Variants in SLC25A13 observed in about 807,000 individuals in gnomAD.
The protein encoded by SLC25A13 is electrogenic aspartate/glutamate antiporter SLC25A13, mitochondrial.
Under a neutral mutation model 85.5 loss-of-function variants are expected in SLC25A13, and 70 were observed. The observed-to-expected ratio is 0.82, with a 90% CI of 0.68 to 1.00. The LOEUF (loss-of-function observed/expected upper bound fraction) is 1.00, where lower values mean the gene tolerates loss of function less well. Among genes scored for constraint, SLC25A13 ranks in the 50% least tolerant of loss-of-function variants. SLC25A13 has a pLI of 0.00. For synonymous variants in SLC25A13, 259 were observed against 288.7 expected (o/e 0.90, Z 1.04); for missense variants, 765 against 819.8 (o/e 0.93, Z 0.82).
rs80338719 is a variant in SLC25A13, at chr7:96,191,189, G to T, written c.674C>A (p.Ser225Ter). The part of the protein sequence containing the change: ...VSFSYFNGFN[S>*]LLNNMELIRK... ...AATGAGTTCCATGTTGTTAAGGAGCGAATTAAATCCATTAAAATAGGAGAA... is the reference window on the plus strand; with the variant it reads ...AATGAGTTCCATGTTGTTAAGGAGCTAATTAAATCCATTAAAATAGGAGAA... Residue 225 changes from serine to a stop codon, truncating the protein, a stop_gained, in exon 7 of 18, where the codon TCG becomes TAG. Coordinates refer to ENST00000265631, the MANE Select transcript of SLC25A13 (RefSeq NM_014251.3). LOFTEE classifies it high-confidence loss of function. 9.3e-6 allele frequency: 15 copies of T among 1,613,976 alleles called. No individual in the cohort carries two copies. The East Asian group carries it at 3.1e-4, about 34-fold the overall frequency.
At chr7:96,215,638 T>C (rs1463446027) in intron 4 of SLC25A13, among the ~76,000 whole-genome samples, 2 of 152,044 alleles carry the variant, frequency 1.3e-5, no homozygotes. Context: ...AATTAACTCA[T>C]AATGGATCAA....
At chr7:96,263,490 G>C (rs1281937989) in intron 3 of SLC25A13, among the ~76,000 whole-genome samples, 1 of 151,844 alleles carries the variant, frequency 6.6e-6, no homozygotes, top group Non-Finnish European at 1.5e-5. Context: ...TCCTCTTGCA[G>C]TCCTAGGTTG....
chr7:96,243,528 G>A (rs1797070841), intron 3 of SLC25A13, among the ~76,000 whole-genome samples: 1 of 152,064 alleles, frequency 6.6e-6, no homozygotes, highest in Non-Finnish European at 1.5e-5. Flanking sequence ...TCTGTAGAGG[G>A]GCCTAAACAC....
At chr7:96,284,407 A>T (rs1798807815) in intron 2 of SLC25A13, among the ~76,000 whole-genome samples, 1 of 152,194 alleles carries the variant, frequency 6.6e-6, no homozygotes, top group Non-Finnish European at 1.5e-5. Context: ...GCCTACAGAC[A>T]TTTTAAAAGT....
intron 2 of SLC25A13, among the ~76,000 whole-genome samples, chr7:96,289,177 C>A (rs1799013786): frequency 6.6e-6 from 1 of 152,256 alleles, no homozygotes; most frequent in Non-Finnish European, 1.5e-5. Flanking sequence ...CAAACTCCAA[C>A]AGACCTGCAG....
chr7:96,168,129 A>AAAAAAAAAAAAAAAAAAAAAAAAAAAAG (rs1562810139), intron 13 of SLC25A13, among the ~76,000 whole-genome samples: 1 of 143,570 alleles, frequency 7.0e-6, no homozygotes, highest in Non-Finnish European at 1.5e-5. Context: ...AAAAAAAAAA[A>AAAAAAAAAAAAAAAAAAAAAAAAAAAAG]GCACGTGTGC....
At chr7:96,276,274 T>A (rs778967640) in intron 3 of SLC25A13, among the ~76,000 whole-genome samples, 2 of 152,216 alleles carry the variant, frequency 1.3e-5, no homozygotes, top group African/African-American at 4.8e-5. Context: ...ATTCTTCGTG[T>A]AATGGTAAAA....
chr7:96,273,104 G>T (rs1798309495), intron 3 of SLC25A13, among the ~76,000 whole-genome samples: 1 of 152,168 alleles, frequency 6.6e-6, no homozygotes, highest in Non-Finnish European at 1.5e-5. Context: ...GATACAATGG[G>T]TAGTATAGAA....
At chr7:96,288,929 G>C (rs1799001186) in intron 2 of SLC25A13, among the ~76,000 whole-genome samples, 1 of 152,182 alleles carries the variant, frequency 6.6e-6, no homozygotes, top group Non-Finnish European at 1.5e-5. Context: ...TCCCAGCACA[G>C]GGTTTGAGAT....
chr7:96,234,949 C>A, intron 3 of SLC25A13, 32 bp from the exon 4 acceptor site: 2 of 1,546,612 alleles, frequency 1.3e-6, no homozygotes, highest in South Asian at 2.2e-5. Flanking sequence ...AAGCAAAAGT[C>A]AGTAGCTTGT....
intron 13 of SLC25A13, among the ~76,000 whole-genome samples, chr7:96,156,642 G>A (rs774900866): frequency 3.0e-4 from 45 of 152,210 alleles, no homozygotes; most frequent in Non-Finnish European, 4.4e-4. Context: ...TAGTAGAGAC[G>A]GGGTTTCACT....
chr7:96,235,036 AAAACATTTAT>A, intron 3 of SLC25A13, 119 bp from the exon 4 acceptor site: 1 of 696,288 alleles, frequency 1.4e-6, no homozygotes, highest in Non-Finnish European at 2.5e-6. Context: ...ATTCAAACTG[AAAACATTTAT>A]AAACATTTAG....
chr7:96,291,875 C>A (rs987832780), intron 2 of SLC25A13, among the ~76,000 whole-genome samples: 2 of 152,176 alleles, frequency 1.3e-5, no homozygotes, highest in African/African-American at 4.8e-5. Context: ...ACCATTCTTT[C>A]TGAAACTATT....
intron 2 of SLC25A13, among the ~76,000 whole-genome samples, chr7:96,287,357 G>C (rs1584569610): frequency 6.6e-6 from 1 of 152,114 alleles, no homozygotes; most frequent in Non-Finnish European, 1.5e-5. Context: ...AGGACTCCAA[G>C]CCACACAAAC....
At chr7:96,204,651 A>C (rs2116701053) in intron 5 of SLC25A13, among the ~76,000 whole-genome samples, 1 of 152,352 alleles carries the variant, frequency 6.6e-6, no homozygotes, top group African/African-American at 2.4e-5. Context: ...CTACAAAACA[A>C]CAAACTCATA....
intron 2 of SLC25A13, among the ~76,000 whole-genome samples, chr7:96,277,609 G>A (rs549069130): frequency 2.0e-5 from 3 of 152,204 alleles, no homozygotes; most frequent in South Asian, 2.1e-4. Context: ...TGTGAGGAAG[G>A]GTGCTACTGG....
chr7:96,188,947 C>T (rs930207173), intron 9 of SLC25A13, among the ~76,000 whole-genome samples: 1 of 152,150 alleles, frequency 6.6e-6, no homozygotes, highest in Admixed American at 6.5e-5. Context: ...GTGCAGCTGC[C>T]GACAGGCACA....
chr7:96,176,011 T>C (rs1189442528), intron 11 of SLC25A13, among the ~76,000 whole-genome samples: 1 of 152,186 alleles, frequency 6.6e-6, no homozygotes, highest in Non-Finnish European at 1.5e-5. Context: ...TGAGGCCCAC[T>C]ACAGATGTGG....
At chr7:96,321,852 C>T in intron 1 of SLC25A13, 90 bp downstream of exon 1, 7 of 1,430,380 alleles carry the variant, frequency 4.9e-6, no homozygotes, top group Non-Finnish European at 6.5e-6. Context: ...CCGCCTGTGG[C>T]ACCAACCCAG....
Sources: allele counts gnomAD v4.1 joint callset (sites outside exome capture counted in the v4.1 genomes callset), GRCh38; gene constraint gnomAD v4.1.1; transcripts MANE v1.5; gene names NCBI Gene and HGNC (gene_info 2026-07-23, HGNC 2026-07-21).